The following MEOX2 variants were observed in gnomAD, a reference collection of about 807,000 sequenced individuals.
The protein encoded by MEOX2 is homeobox protein MOX-2.
Under a neutral mutation model 27.0 loss-of-function variants are expected in MEOX2, and 11 were observed. The observed-to-expected ratio is 0.41, with a 90% CI of 0.26 to 0.68. MEOX2 has a LOEUF of 0.68. Ranked by LOEUF, MEOX2 falls within the 30% of genes least tolerant of loss-of-function variation. The pLI, the probability that MEOX2 is intolerant of heterozygous loss-of-function variation, is 0.33. For synonymous variants in MEOX2, 189 were observed against 155.4 expected, an observed-to-expected ratio of 1.22 and a Z score of -1.61; for missense variants, 436 against 385.4, an observed-to-expected ratio of 1.13 and a Z score of -1.10.
chr7:15,658,800 A>G (rs1052698079), intron 1 of MEOX2, among the ~76,000 whole-genome samples: 2 of 152,222 alleles, frequency 1.3e-5, no homozygotes, highest in Admixed American at 6.5e-5. Flanking sequence ...AAGGATCATC[A>G]TAAGACACTG....
intron 1 of MEOX2, among the ~76,000 whole-genome samples, chr7:15,642,842 G>A (rs1056885281): frequency 6.6e-6 from 1 of 152,038 alleles, no homozygotes; most frequent in African/African-American, 2.4e-5. Context: ...TTGTTTCTTT[G>A]TGCTTTTAGG....
At chr7:15,614,941 T>C (rs1007505784) in intron 2 of MEOX2, among the ~76,000 whole-genome samples, 5 of 152,140 alleles carry the variant, frequency 3.3e-5, no homozygotes, top group African/African-American at 1.2e-4. Context: ...GAGATATTTC[T>C]CTATTCTGGA....
intron 1 of MEOX2, among the ~76,000 whole-genome samples, chr7:15,677,242 T>A (rs1174581394): frequency 3.9e-5 from 6 of 152,216 alleles, no homozygotes; most frequent in African/African-American, 1.4e-4. Context: ...TGTACATTCA[T>A]TGATAGATGA....
intron 1 of MEOX2, among the ~76,000 whole-genome samples, chr7:15,656,449 C>T (rs1338660772): frequency 3.7e-4 from 52 of 138,738 alleles, no homozygotes; most frequent in African/African-American, 1.2e-3. Flanking sequence ...TTTTTTTTTT[C>T]CTGCCATTCC....
intron 1 of MEOX2, 58 bp downstream of exon 1, chr7:15,685,828 C>A: frequency 6.5e-7 from 1 of 1,533,336 alleles, no homozygotes; most frequent in Non-Finnish European, 8.7e-7. Context: ...CCCCTAGTAT[C>A]TCTCCGCCCC....
chr7:15,633,146 T>C (rs1333413368), intron 1 of MEOX2, among the ~76,000 whole-genome samples: 1 of 151,926 alleles, frequency 6.6e-6, no homozygotes, highest in Admixed American at 6.6e-5. Flanking sequence ...AACGTAAGTG[T>C]TTGAGGCCAA....
intron 1 of MEOX2, among the ~76,000 whole-genome samples, chr7:15,674,583 T>C (rs1460577182): frequency 6.6e-6 from 1 of 151,776 alleles, no homozygotes; most frequent in African/African-American, 2.4e-5. Context: ...TGTGTGTGTG[T>C]GCATGTTTAG....
intron 1 of MEOX2, among the ~76,000 whole-genome samples, chr7:15,643,584 G>C (rs1157128800): frequency 6.6e-6 from 1 of 152,164 alleles, no homozygotes; most frequent in African/African-American, 2.4e-5. Context: ...CAACAGGCCT[G>C]AGCTCATCCC....
chr7:15,617,677 G>C (rs1781144660), intron 2 of MEOX2, among the ~76,000 whole-genome samples: 1 of 151,990 alleles, frequency 6.6e-6, no homozygotes, highest in South Asian at 2.1e-4. Flanking sequence ...GTGTTGGGGA[G>C]GCTGTGGAGG....
At chr7:15,626,460 T>C (rs1781308309) in intron 2 of MEOX2, among the ~76,000 whole-genome samples, 1 of 152,042 alleles carries the variant, frequency 6.6e-6, no homozygotes, top group Non-Finnish European at 1.5e-5. Context: ...CCTCACTGTA[T>C]GCCATCATTA....
intron 1 of MEOX2, among the ~76,000 whole-genome samples, chr7:15,652,091 G>A (rs1170600227): frequency 1.3e-5 from 2 of 151,896 alleles, no homozygotes; most frequent in East Asian, 3.9e-4. Flanking sequence ...AAGATAATAG[G>A]GATTTAAGAC....
rs1781045502 is a variant in MEOX2, at chr7:15,612,343, C to A, written c.*44G>T. 1 of 1,503,934 alleles carries A rather than the reference C, an allele frequency of 6.6e-7. No homozygotes were observed. The highest frequency in any genetic ancestry group is 1.4e-5 in the African/African-American group (1 of 72,432). 93.2% of individuals were successfully genotyped at this position (1,503,934 alleles called of 1,614,324 possible). A position where few individuals can be genotyped will look rare whatever the true frequency, so the allele number is the denominator to read the frequency against. On this transcript the variant is annotated 3_prime_UTR_variant, in exon 3 of 3. Transcript: ENST00000262041. ...ACGATATTTGGGTAAGGCTTGCCATCACAACATTTCTTTCCTGAGAATGGA... is the reference window on the plus strand; with the variant it reads ...ACGATATTTGGGTAAGGCTTGCCATAACAACATTTCTTTCCTGAGAATGGA...
At chr7:15,672,192 C>T (rs1369021342) in intron 1 of MEOX2, among the ~76,000 whole-genome samples, 1 of 152,006 alleles carries the variant, frequency 6.6e-6, no homozygotes, top group East Asian at 1.9e-4. Flanking sequence ...CGCCATTATC[C>T]ATTACTACAA....
chr7:15,649,065 A>T (rs1005309916), intron 1 of MEOX2, among the ~76,000 whole-genome samples: 1 of 152,090 alleles, frequency 6.6e-6, no homozygotes, highest in African/African-American at 2.4e-5. Context: ...AGGATTCCTC[A>T]TCTCTGTTTC....
chr7:15,619,299 G>C (rs924868188), intron 2 of MEOX2, among the ~76,000 whole-genome samples: 3 of 151,914 alleles, frequency 2.0e-5, no homozygotes, highest in African/African-American at 7.2e-5. Flanking sequence ...TGCTGGGAGT[G>C]ATCTTTCATA....
Position 15,626,916 on chromosome 7 carries a change from A to T in MEOX2, c.520T>A (p.Ser174Thr), listed in dbSNP as rs776056051. ...GGKRKSDSSDSQEGNYKSEVN... is the reference protein window; with the variant it reads ...GGKRKSDSSDTQEGNYKSEVN... ...TCTGACTTGTAATTTCCTTCCTGGGAGTCTGAAAAAAAAGGGAGACAGAAT... is the reference window on the plus strand; with the variant it reads ...TCTGACTTGTAATTTCCTTCCTGGGTGTCTGAAAAAAAAGGGAGACAGAAT... The change falls in exon 2 of 3, where the codon TCC becomes ACC. Residue 174 changes from serine (S) to threonine (T), a missense_variant and splice_region_variant. By Grantham distance (58) the Ser-to-Thr change is moderately conservative. Transcript: ENST00000262041. 1.2e-6 allele frequency: 2 copies of T among 1,611,454 alleles called. No individual in the cohort carries two copies. Among genetic ancestry groups the T allele is most frequent in the Non-Finnish European group, 1.7e-6 (2 of 1,178,850 alleles).
intron 1 of MEOX2, among the ~76,000 whole-genome samples, chr7:15,641,377 G>T (rs550553813): frequency 1.3e-5 from 2 of 152,112 alleles, no homozygotes; most frequent in East Asian, 1.9e-4. Flanking sequence ...TTGTTTGTTT[G>T]TTTGTTTGTT....
In MEOX2 at chr7:15,686,362, G is replaced by A. The variant is rs148483007; in HGVS notation, c.41C>T (p.Ala14Val). ...GAACGGGTGCAAGCCTTGCGCCGTGGCGTGAGGGCTGCGCAGGCAGCCAAA... is the reference window on the plus strand; with the variant it reads ...GAACGGGTGCAAGCCTTGCGCCGTGACGTGAGGGCTGCGCAGGCAGCCAAA... ...PLFGCLRSPHATAQGLHPFSQ... is the reference protein window; with the variant it reads ...PLFGCLRSPHVTAQGLHPFSQ... The change falls in exon 1 of 3, where the codon GCC (alanine) becomes GTC (valine). Residue 14 changes from alanine to valine, a missense_variant. Ala to Val is a moderately conservative substitution (Grantham distance 64, BLOSUM62 0). Transcript: ENST00000262041. 2.5e-6 allele frequency: 4 copies of A among 1,591,346 alleles called. No homozygotes were observed. The highest frequency in any genetic ancestry group is 3.4e-6 in the Non-Finnish European group (4 of 1,168,266).
At chr7:15,618,863 T>C (rs1183367102) in intron 2 of MEOX2, among the ~76,000 whole-genome samples, 4 of 151,828 alleles carry the variant, frequency 2.6e-5, no homozygotes, top group East Asian at 3.9e-4. Context: ...CACTGACCCA[T>C]AGAAAAGTCA....
Sources: allele counts gnomAD v4.1 joint callset (sites outside exome capture counted in the v4.1 genomes callset), GRCh38; gene constraint gnomAD v4.1.1; transcripts MANE v1.5; gene names NCBI Gene and HGNC (gene_info 2026-07-23, HGNC 2026-07-21).